DNAH5: variants seen among roughly 807,000 people sequenced by gnomAD.
DNAH5 encodes axonemal beta dynein heavy chain 5.
Under a neutral mutation model 518.2 loss-of-function variants are expected in DNAH5, and 372 were observed. The observed-to-expected ratio is 0.72, with a 90% CI of 0.66 to 0.78. The LOEUF (loss-of-function observed/expected upper bound fraction) is 0.78, where lower values mean the gene tolerates loss of function less well. DNAH5 is among the 30% of genes least tolerant of loss of function. The pLI, the probability that DNAH5 is intolerant of heterozygous loss-of-function variation, is 0.00. For synonymous variants in DNAH5, 2,039 were observed against 2,025.9 expected (o/e 1.01, Z -0.17); for missense variants, 5,523 against 5,687.0 (o/e 0.97, Z 0.93).
At chr5:13,791,936 T>C (rs1171595095) in intron 50 of DNAH5, 58 bp downstream of exon 50, 3 of 1,385,984 alleles carry the variant, frequency 2.2e-6, no homozygotes, top group East Asian at 2.5e-5. Flanking sequence ...AATAAAAATA[T>C]TTAGAATATA....
At chr5:13,830,834 A>G (rs1763575722) in intron 35 of DNAH5, 59 bp from the exon 36 acceptor site, 3 of 1,551,276 alleles carry the variant, frequency 1.9e-6, no homozygotes. Flanking sequence ...TACTTCTGAG[A>G]CATCACAGTG....
intron 11 of DNAH5, among the ~76,000 whole-genome samples, chr5:13,912,134 T>C (rs1776060687): frequency 1.3e-5 from 2 of 152,272 alleles, no homozygotes; most frequent in East Asian, 3.9e-4. Flanking sequence ...CTTTCAATAA[T>C]GAGCTATAAT....
At chr5:13,772,877 A>C (rs577408658) in intron 55 of DNAH5, among the ~76,000 whole-genome samples, 1 of 152,348 alleles carries the variant, frequency 6.6e-6, no homozygotes, top group African/African-American at 2.4e-5. Flanking sequence ...AATTTAATTC[A>C]GAATCAATAT....
At chr5:13,952,228 T>G (rs1418935532) in intron 1 of DNAH5, among the ~76,000 whole-genome samples, 1 of 152,306 alleles carries the variant, frequency 6.6e-6, no homozygotes, top group African/African-American at 2.4e-5. Context: ...CACTGATGGT[T>G]AGCACTCACG....
intron 16 of DNAH5, among the ~76,000 whole-genome samples, chr5:13,893,664 T>C (rs547295488): frequency 2.6e-5 from 4 of 152,228 alleles, no homozygotes; most frequent in African/African-American, 9.6e-5. Context: ...TCCTTTGTAG[T>C]CTGTTTGAGG....
chr5:13,778,478 A>AGAAGGAAG (rs146599533), intron 53 of DNAH5, among the ~76,000 whole-genome samples: 2 of 87,174 alleles, frequency 2.3e-5, no homozygotes, highest in African/African-American at 8.4e-5. Context: ...AAGGAAGGAA[A>AGAAGGAAG]GAAGGAAGGA....
chr5:13,944,179 A>C (rs1398163375), intron 1 of DNAH5, among the ~76,000 whole-genome samples: 1 of 152,268 alleles, frequency 6.6e-6, no homozygotes, highest in African/African-American at 2.4e-5. Context: ...CAACGTGCAG[A>C]AAAGCCTACA....
chr5:13,789,633 T>C (rs918942654), intron 50 of DNAH5, among the ~76,000 whole-genome samples: 1 of 152,214 alleles, frequency 6.6e-6, no homozygotes, highest in Non-Finnish European at 1.5e-5. Flanking sequence ...TGCCTGAATA[T>C]AAAAGGAGTT....
intron 68 of DNAH5, among the ~76,000 whole-genome samples, chr5:13,733,188 A>G (rs181249636): frequency 1.3e-5 from 2 of 152,354 alleles, no homozygotes; most frequent in Non-Finnish European, 2.9e-5. Flanking sequence ...ATAGACAAGG[A>G]AACTGGAGTT....
rs765917495 is a variant in DNAH5 at position 13,721,221 on chromosome 5, T to C, written c.12058A>G (p.Met4020Val). 5.6e-6 allele frequency: 9 copies of C among 1,614,150 alleles called. No individual in the cohort carries two copies. The highest frequency in any genetic ancestry group is 3.3e-5 in the Admixed American group (2 of 60,024). Residue 4020 changes from methionine to valine, a missense_variant, in exon 71 of 79, where the codon ATG (methionine) becomes GTG (valine). By Grantham distance (21) the Met-to-Val change is conservative. Transcript: ENST00000265104. ...AQARKYIVDS[M>V]GEKYAEGVIL... ...ACACCTTCGGCATATTTTTCTCCCA[T>C]GGAGTCCACGATGTACTTGCGGGCC...
chr5:13,922,255 A>G lies in DNAH5; in HGVS notation c.512T>C (p.Ile171Thr). The change falls in exon 5 of 79, where the codon ATC becomes ACC. Residue 171 changes from isoleucine (I) to threonine (T), a missense_variant. Physicochemically the swap from Ile to Thr is moderately conservative, Grantham distance 89. Coordinates refer to ENST00000265104, the MANE Select transcript of DNAH5 (RefSeq NM_001369.3). Reference sequence around the variant, plus strand: ...CGTGGCTCTGAGAGCAGGAATGAAGATGTCCGACAGCAAACGTCTCACACT... The same window carrying G: ...CGTGGCTCTGAGAGCAGGAATGAAGGTGTCCGACAGCAAACGTCTCACACT... ...LNSVRRLLSD[I>T]FIPALRATSH... 2 of 1,613,842 alleles carry G rather than the reference A, an allele frequency of 1.2e-6. No individual in the cohort carries two copies. Among genetic ancestry groups the G allele is most frequent in the Non-Finnish European group, 1.7e-6 (2 of 1,179,916 alleles).
chr5:13,882,755 C>A lies in DNAH5; in HGVS notation c.3235G>T (p.Val1079Phe), dbSNP rs1771848238. 1 of 1,613,994 alleles carries A rather than the reference C, an allele frequency of 6.2e-7. No homozygotes were observed. The highest frequency in any genetic ancestry group is 1.1e-5 in the South Asian group (1 of 91,078). Reference sequence around the variant, plus strand: ...TGAAGTTCATTTTCTCCCATTTCAACATCAGAATCACTGTCTTCATTACTC... The same window carrying A: ...TGAAGTTCATTTTCTCCCATTTCAAAATCAGAATCACTGTCTTCATTACTC... ...LQSNEDSDSD[V>F]EMGENELQDT... Residue 1079 changes from valine (V) to phenylalanine (F), a missense_variant, in exon 21 of 79, where the codon GTT (valine) becomes TTT (phenylalanine). Physicochemically the swap from Val to Phe is conservative, Grantham distance 50. Transcript: ENST00000265104.
chr5:13,870,850 C>A lies in DNAH5; in HGVS notation c.3751G>T (p.Asp1251Tyr), dbSNP rs1274329938. ...GCTGCCATTGCAATCCGAATATCATCTAGGTCCTTAATTGGACGATTTAGT... is the reference window on the plus strand; with the variant it reads ...GCTGCCATTGCAATCCGAATATCATATAGGTCCTTAATTGGACGATTTAGT... ...KKLNRPIKDLDDIRIAMAALK... is the reference protein window; with the variant it reads ...KKLNRPIKDLYDIRIAMAALK... The change falls in exon 24 of 79, where the codon GAT (aspartate) becomes TAT (tyrosine). Residue 1251 changes from aspartate (D) to tyrosine (Y), a missense_variant. This residue lies in a region of DNAH5 where 5,121 missense variants were observed against 5,223.3 expected (regional missense o/e 0.98). Transcript: ENST00000265104. The A allele has an allele frequency of 6.2e-7, 1 of 1,613,898 alleles. No homozygotes were observed. Among genetic ancestry groups the A allele is most frequent in the Admixed American group, 1.7e-5 (1 of 59,972 alleles).
chr5:13,724,051 T>C (rs1006857099), intron 70 of DNAH5, among the ~76,000 whole-genome samples: 9 of 152,242 alleles, frequency 5.9e-5, no homozygotes, highest in African/African-American at 2.2e-4. Flanking sequence ...CCCACTGCGG[T>C]AGGCATGGAT....
At chr5:13,815,788 C>T (rs114446364) in intron 42 of DNAH5, among the ~76,000 whole-genome samples, 281 of 152,228 alleles carry the variant, frequency 1.8e-3, no homozygotes, top group African/African-American at 5.8e-3. Context: ...CAGAGATCCT[C>T]GTAGAGTTGC....
intron 29 of DNAH5, among the ~76,000 whole-genome samples, chr5:13,862,085 A>G (rs1768531360): frequency 6.6e-6 from 1 of 152,170 alleles, no homozygotes; most frequent in South Asian, 2.1e-4. Flanking sequence ...TTCGAGTAAA[A>G]TGATTATTCT....
intron 53 of DNAH5, among the ~76,000 whole-genome samples, chr5:13,777,624 T>C (rs1386241295): frequency 1.3e-5 from 2 of 152,222 alleles, no homozygotes; most frequent in African/African-American, 4.8e-5. Context: ...CCAAATGTCA[T>C]TACATTTCAA....
Position 13,793,704 on chromosome 5 carries a change from G to C in DNAH5, c.8035C>G (p.Leu2679Val). The change falls in exon 49 of 79, where the codon CTG becomes GTG. Residue 2679 changes from leucine (L) to valine (V), a missense_variant. By Grantham distance (32) the Leu-to-Val change is conservative (BLOSUM62 1). Coordinates refer to ENST00000265104, the MANE Select transcript of DNAH5 (RefSeq NM_001369.3). ...TTATAGAATCCATTTTGTTCCATCA[G>C]CTGTCGCACTATCTCATTCGTAACC... Reference protein sequence around the residue: ...DQVTNEIVRQLMEQNGFYNLE... With the variant: ...DQVTNEIVRQVMEQNGFYNLE... 2 of 1,614,060 alleles carry C rather than the reference G, an allele frequency of 1.2e-6. No individual in the cohort carries two copies. The highest frequency in any genetic ancestry group is 1.7e-6 in the Non-Finnish European group (2 of 1,180,016).
intron 75 of DNAH5, among the ~76,000 whole-genome samples, chr5:13,711,642 T>G (rs547504146): frequency 1.3e-5 from 2 of 152,280 alleles, no homozygotes; most frequent in African/African-American, 4.8e-5. Flanking sequence ...CAGAAAGCTC[T>G]TGGAACTGAT....
Sources: gnomAD v4.1 joint callset for allele counts (sites outside exome capture counted in the v4.1 genomes callset) on GRCh38, gnomAD v4.1.1 for gene constraint, gnomAD v4.1.1 regional missense constraint, MANE v1.5 for transcripts, NCBI Gene and HGNC (gene_info 2026-07-23, HGNC 2026-07-21) for gene names.